UBAP1: variants seen among roughly 807,000 people sequenced by gnomAD.
The protein encoded by UBAP1 is ubiquitin-associated protein 1.
In UBAP1, 5 loss-of-function variants were observed where a neutral mutation model predicts 39.0. That is an observed-to-expected ratio of 0.13 (90% confidence interval 0.07 to 0.27). The LOEUF (loss-of-function observed/expected upper bound fraction) is 0.27. Ranked by LOEUF, UBAP1 falls within the 10% of genes least tolerant of loss-of-function variation. UBAP1 has a pLI of 1.00. For synonymous variants in UBAP1, 211 were observed against 225.1 expected, an observed-to-expected ratio of 0.94 and a Z score of 0.56; for missense variants, 490 against 608.1, an observed-to-expected ratio of 0.81 and a Z score of 2.04.
rs745526257 is a variant in UBAP1 at position 34,241,350 on chromosome 9, A to G, written c.325A>G (p.Ser109Gly). ...CAAAATGAGCTTCTCCAAGACTCAC[A>G]GTACAGCCACAATGCCACCTCCTAT... Reference protein sequence around the residue: ...DSKMSFSKTHSTATMPPPINP... With the variant: ...DSKMSFSKTHGTATMPPPINP... Residue 109 changes from serine to glycine, a missense_variant, in exon 4 of 7, where the codon AGT (serine) becomes GGT (glycine). By Grantham distance (56) the Ser-to-Gly change is moderately conservative. Transcript: ENST00000297661. 2 of 1,531,522 alleles carry G rather than the reference A, an allele frequency of 1.3e-6. No homozygotes were observed. The highest frequency in any genetic ancestry group is 2.6e-5 in the South Asian group (2 of 77,396). 94.9% of individuals were successfully genotyped at this position (1,531,522 alleles called of 1,614,324 possible).
intron 1 of UBAP1, among the ~76,000 whole-genome samples, chr9:34,188,225 T>C (rs1830513515): frequency 1.3e-5 from 2 of 151,836 alleles, no homozygotes; most frequent in Non-Finnish European, 2.9e-5. Flanking sequence ...TTTATACAAA[T>C]AGTATACCTT....
intron 2 of UBAP1, among the ~76,000 whole-genome samples, chr9:34,222,461 T>C (rs1030192735): frequency 2.6e-5 from 4 of 152,128 alleles, no homozygotes; most frequent in Non-Finnish European, 5.9e-5. Context: ...TTATGGATTA[T>C]TACAGGTCTT....
At chr9:34,221,462 G>C (rs1389808874) in intron 2 of UBAP1, among the ~76,000 whole-genome samples, 1 of 151,200 alleles carries the variant, frequency 6.6e-6, no homozygotes, top group African/African-American at 2.4e-5. Flanking sequence ...CCCGGGAGGC[G>C]GAGCTTGCAG....
At chr9:34,228,231 A>G (rs1833204679) in intron 2 of UBAP1, among the ~76,000 whole-genome samples, 1 of 152,016 alleles carries the variant, frequency 6.6e-6, no homozygotes, top group Non-Finnish European at 1.5e-5. Context: ...ATCCTGGCTA[A>G]CACGGTGAAA....
chr9:34,217,217 T>G (rs1013378120), intron 1 of UBAP1, among the ~76,000 whole-genome samples: 4 of 152,152 alleles, frequency 2.6e-5, no homozygotes, highest in Non-Finnish European at 5.9e-5. Flanking sequence ...ATCCTGTGAA[T>G]GGCCCTAGGC....
chr9:34,179,573 G>C (rs1829901566), intron 1 of UBAP1, among the ~76,000 whole-genome samples: 2 of 152,098 alleles, frequency 1.3e-5, no homozygotes, highest in Non-Finnish European at 1.5e-5. Flanking sequence ...GAGGATGTCA[G>C]GGAGGGGGAC....
rs1834386774 is a variant in UBAP1, at chr9:34,249,969, G to A, written c.1266+8G>A. The A allele has an allele frequency of 1.2e-6, 2 of 1,613,554 alleles. No individual in the cohort carries two copies. Among genetic ancestry groups the A allele is most frequent in the Non-Finnish European group, 1.7e-6 (2 of 1,179,876 alleles). On this transcript the variant is annotated splice_region_variant and intron_variant, in intron 5 of 6. Transcript: ENST00000297661. The stretch of plus-strand genomic sequence containing the variant: ...GGAGAGAATATTGAGCAGGTGAGCG[G>A]TTGGTCAGCCAGGAGGGCAGGCTCA...
intron 1 of UBAP1, among the ~76,000 whole-genome samples, chr9:34,207,657 A>C (rs1234044396): frequency 3.1e-5 from 4 of 129,438 alleles, no homozygotes; most frequent in Non-Finnish European, 5.2e-5. Flanking sequence ...CTTTTTATTT[A>C]TTTCTTTTTT....
rs74180553 is a variant in UBAP1 at position 34,226,105 on chromosome 9, T to TTGTGTGTG, written c.34+5202_34+5209dup. ...CCTTCTAAAGTTTCCTCCTACTCTATTGTGTGTGTGTGTGTGTGTGTGTGT... is the reference window on the plus strand; with the variant it reads ...CCTTCTAAAGTTTCCTCCTACTCTATTGTGTGTGTGTGTGTGTGTGTGTGTGTGTGTGT... On this transcript the variant is annotated intron_variant, in intron 2 of 6. Coordinates refer to ENST00000297661, the MANE Select transcript of UBAP1 (RefSeq NM_016525.5). Among the ~76,000 whole-genome samples, 414 of 88,250 alleles carry TTGTGTGTG rather than the reference T, an allele frequency of 4.7e-3. 3 individuals are homozygous for TTGTGTGTG. Among genetic ancestry groups the TTGTGTGTG allele is most frequent in the African/African-American group, 0.016 (352 of 22,164 alleles). 57.9% of individuals were successfully genotyped at this position (88,250 alleles called of 152,430 possible). A position where few individuals can be genotyped will look rare whatever the true frequency, so the allele number is the denominator to read the frequency against.
chr9:34,204,518 T>C (rs979092509), intron 1 of UBAP1, among the ~76,000 whole-genome samples: 1 of 152,116 alleles, frequency 6.6e-6, no homozygotes, highest in African/African-American at 2.4e-5. Context: ...CCCTCAGAAT[T>C]AAGATGAAGT....
At chr9:34,225,023 T>C (rs945372386) in intron 2 of UBAP1, among the ~76,000 whole-genome samples, 1 of 152,218 alleles carries the variant, frequency 6.6e-6, no homozygotes. Flanking sequence ...ATCATAGAGA[T>C]AGAGATTTTA....
In UBAP1 at chr9:34,242,708, A is replaced by G. The variant is rs147738323; in HGVS notation, c.1083+600A>G. 6.3e-3 allele frequency among the ~76,000 whole-genome samples: 959 copies of G among 152,206 alleles called. 3 individuals carry two copies. The highest frequency in any genetic ancestry group is 0.014 in the Middle Eastern group (4 of 294). On this transcript the variant is annotated intron_variant, in intron 4 of 6. Transcript: ENST00000297661. ...CTCAGCTAATTTTTGTATTTTTAGT[A>G]GAGACGGGGTTTTACCACGTTTCCG...
intron 1 of UBAP1, among the ~76,000 whole-genome samples, chr9:34,202,624 CGTGTGTGTGTGTGTGTGTGTGTGTGT>C (rs56012034): frequency 1.0e-4 from 11 of 107,364 alleles, no homozygotes; most frequent in Middle Eastern, 4.5e-3. Flanking sequence ...TAGACAGAAA[CGTGTGTGTGTGTGTGTGTGTGTGTGT>C]GTGTGTGTGT....
intron 2 of UBAP1, among the ~76,000 whole-genome samples, chr9:34,228,350 G>A (rs183826422): frequency 5.9e-4 from 89 of 150,224 alleles, no homozygotes; most frequent in Middle Eastern, 3.5e-3. Flanking sequence ...CCCAGGAGGC[G>A]GAGCTTGCAG....
At chr9:34,220,613 C>T (rs1832707247) in intron 1 of UBAP1, 2 of 292,754 alleles carry the variant, frequency 6.8e-6, no homozygotes, top group South Asian at 3.6e-5. Context: ...GAGTGAGCCA[C>T]CAAGCCTGGC....
intron 1 of UBAP1, among the ~76,000 whole-genome samples, chr9:34,210,109 A>G (rs1260833235): frequency 6.6e-6 from 1 of 152,210 alleles, no homozygotes; most frequent in African/African-American, 2.4e-5. Context: ...CAGCTGAATT[A>G]AAAGAAATTG....
chr9:34,231,448 C>CTCCA (rs1030849219), intron 2 of UBAP1, among the ~76,000 whole-genome samples: 1 of 151,828 alleles, frequency 6.6e-6, no homozygotes, highest in Non-Finnish European at 1.5e-5. Context: ...AACTCATGAC[C>CTCCA]TCCACCTGCC....
At chr9:34,208,543 C>T (rs774738779) in intron 1 of UBAP1, among the ~76,000 whole-genome samples, 19 of 151,584 alleles carry the variant, frequency 1.3e-4, no homozygotes, top group Non-Finnish European at 1.9e-4. Context: ...TTTGGGAGGC[C>T]GAGGCGGGCA....
intron 1 of UBAP1, among the ~76,000 whole-genome samples, chr9:34,187,612 A>T (rs1830473986): frequency 6.6e-6 from 1 of 151,838 alleles, no homozygotes. Context: ...ATATATTCAA[A>T]TTTTTTTTGA....
Sources: gnomAD v4.1 joint callset for allele counts (sites outside exome capture counted in the v4.1 genomes callset) on GRCh38, gnomAD v4.1.1 for gene constraint, MANE v1.5 for transcripts, NCBI Gene and HGNC (gene_info 2026-07-23, HGNC 2026-07-21) for gene names.